The following NFATC2 variants were observed in gnomAD, a reference collection of about 807,000 sequenced individuals.
NFATC2 encodes the protein nuclear factor of activated T cells 2, also known as nuclear factor of activated T-cells, cytoplasmic 2.
In NFATC2, 22 loss-of-function variants were observed where a neutral mutation model predicts 87.3. The observed-to-expected ratio is 0.25, with a 90% CI of 0.18 to 0.36. The LOEUF is 0.36. Among genes scored for constraint, NFATC2 ranks in the 10% least tolerant of loss-of-function variants. The pLI, the probability that NFATC2 is intolerant of heterozygous loss-of-function variation, is 1.00. For synonymous variants in NFATC2, 565 were observed against 542.2 expected (o/e 1.04, Z -0.58); for missense variants, 1,149 against 1,259.1 (o/e 0.91, Z 1.32).
intron 9 of NFATC2, among the ~76,000 whole-genome samples, chr20:51,399,601 G>A (rs1568928224): frequency 1.3e-5 from 2 of 152,224 alleles, no homozygotes; most frequent in Admixed American, 6.5e-5. Flanking sequence ...TTAGAGGCCT[G>A]GATTTCCCAA....
At chr20:51,561,095 A>T (rs1388850784) in intron 1 of NFATC2, among the ~76,000 whole-genome samples, 1 of 151,966 alleles carries the variant, frequency 6.6e-6, no homozygotes, top group Non-Finnish European at 1.5e-5. Context: ...CTTCTGTCTG[A>T]GAGCATTGCT....
intron 1 of NFATC2, among the ~76,000 whole-genome samples, chr20:51,526,625 T>A (rs568271320): frequency 2.0e-5 from 3 of 152,268 alleles, no homozygotes; most frequent in Admixed American, 1.3e-4. Flanking sequence ...ACAAGCCCTC[T>A]TCCTGCTTTG....
At position 51,527,553 on chromosome 20, in the gene NFATC2, C is replaced by T. The variant is rs117430075; in HGVS notation, c.131-3443G>A. Among the ~76,000 whole-genome samples, 991 of 152,270 alleles carry T rather than the reference C, an allele frequency of 6.5e-3. 4 individuals are homozygous for T. Among genetic ancestry groups the T allele is most frequent in the South Asian group, 0.021 (102 of 4,812 alleles). ...GCAAATGCCATGAGGACTCTTGCTC[C>T]GCCATGCCCCTAAGCACTTGGAATG... On this transcript the variant is annotated intron_variant, in intron 1 of 10. Transcript: ENST00000371564.
intron 2 of NFATC2, among the ~76,000 whole-genome samples, chr20:51,520,251 A>G (rs180760238): frequency 7.2e-4 from 110 of 152,326 alleles, no homozygotes; most frequent in African/African-American, 2.2e-3. Context: ...ATTCTCAACC[A>G]CTAAATAAAA....
At chr20:51,508,287 G>A (rs778710242) in intron 3 of NFATC2, among the ~76,000 whole-genome samples, 7 of 151,980 alleles carry the variant, frequency 4.6e-5, no homozygotes, top group Non-Finnish European at 7.4e-5. Context: ...CGCCAGCCCC[G>A]ACCCTGGCGC....
chr20:51,493,362 G>GT (rs1568686060), intron 3 of NFATC2, among the ~76,000 whole-genome samples: 1 of 152,060 alleles, frequency 6.6e-6, no homozygotes, highest in East Asian at 1.9e-4. Flanking sequence ...AATTCTTGTC[G>GT]TTTTCTCATG....
intron 1 of NFATC2, among the ~76,000 whole-genome samples, chr20:51,535,407 A>G (rs750736108): frequency 2.0e-5 from 3 of 152,248 alleles, no homozygotes; most frequent in Non-Finnish European, 2.9e-5. Flanking sequence ...CCTAAAATCC[A>G]AGTGGAAACT....
At chr20:51,481,637 T>C (rs1313912997) in intron 3 of NFATC2, among the ~76,000 whole-genome samples, 1 of 152,120 alleles carries the variant, frequency 6.6e-6, no homozygotes, top group African/African-American at 2.4e-5. Flanking sequence ...GGGCCCAGGC[T>C]GCAGCTTGGT....
At chr20:51,402,634 C>CT (rs1988172542) in intron 9 of NFATC2, among the ~76,000 whole-genome samples, 1 of 152,202 alleles carries the variant, frequency 6.6e-6, no homozygotes, top group South Asian at 2.1e-4. Context: ...CATAAACCCC[C>CT]TCTGGGGGTT....
chr20:51,502,258 T>C (rs2076100332), intron 3 of NFATC2, among the ~76,000 whole-genome samples: 1 of 152,228 alleles, frequency 6.6e-6, no homozygotes, highest in South Asian at 2.1e-4. Flanking sequence ...CTCAACACTT[T>C]TATTGCTGCA....
At chr20:51,437,090 G>C (rs1298693173) in intron 6 of NFATC2, among the ~76,000 whole-genome samples, 1 of 136,430 alleles carries the variant, frequency 7.3e-6, no homozygotes, top group East Asian at 2.3e-4. Flanking sequence ...TACTCCCCCA[G>C]TTTGGGGCCA....
chr20:51,503,019 A>C (rs1388479120), intron 3 of NFATC2, among the ~76,000 whole-genome samples: 2 of 152,234 alleles, frequency 1.3e-5, no homozygotes, highest in Non-Finnish European at 2.9e-5. Context: ...TGTGCTGAGC[A>C]GTATGCCAAA....
chr20:51,520,431 ATTTTC>A (rs2076425089), intron 2 of NFATC2, among the ~76,000 whole-genome samples: 2 of 129,540 alleles, frequency 1.5e-5, no homozygotes, highest in African/African-American at 5.7e-5. Flanking sequence ...CTTGATCAGG[ATTTTC>A]TTTTTTTTTT....
At chr20:51,508,966 G>A (rs1046361902) in intron 3 of NFATC2, among the ~76,000 whole-genome samples, 5 of 151,886 alleles carry the variant, frequency 3.3e-5, no homozygotes, top group East Asian at 1.9e-4. Flanking sequence ...CCCAGCTCCC[G>A]CCTCGCTCAG....
intron 1 of NFATC2, among the ~76,000 whole-genome samples, chr20:51,549,963 C>T (rs77639600): frequency 3.5e-4 from 54 of 152,268 alleles, no homozygotes; most frequent in African/African-American, 1.1e-3. Flanking sequence ...ATTATGTAGC[C>T]GGCTCTGATA....
intron 9 of NFATC2, among the ~76,000 whole-genome samples, chr20:51,415,552 CTG>C (rs963355553): frequency 1.3e-5 from 2 of 152,222 alleles, no homozygotes; most frequent in Non-Finnish European, 2.9e-5. Flanking sequence ...CCAGAGAACA[CTG>C]TGCAGGGCTG....
chr20:51,541,523 A>AAGTCCCC (rs2146804240), intron 1 of NFATC2, among the ~76,000 whole-genome samples: 1 of 152,274 alleles, frequency 6.6e-6, no homozygotes, highest in Admixed American at 6.5e-5. Context: ...CAGCCCGGGG[A>AAGTCCCC]AGTCCCCAGC....
intron 3 of NFATC2, among the ~76,000 whole-genome samples, chr20:51,514,553 A>AGGTGCAT (rs1173526830): frequency 6.6e-6 from 1 of 152,196 alleles, no homozygotes; most frequent in Admixed American, 6.5e-5. Flanking sequence ...CATGAAGGAA[A>AGGTGCAT]GGTGCATGGA....
chr20:51,537,002 GC>G (rs2076732234), intron 1 of NFATC2, among the ~76,000 whole-genome samples: 1 of 152,098 alleles, frequency 6.6e-6, no homozygotes, highest in Non-Finnish European at 1.5e-5. Context: ...GCCAGGGGAG[GC>G]CAGACACCAT....
Sources: allele counts gnomAD v4.1 joint callset (sites outside exome capture counted in the v4.1 genomes callset), GRCh38; gene constraint gnomAD v4.1.1; transcripts MANE v1.5; gene names NCBI Gene and HGNC (gene_info 2026-07-23, HGNC 2026-07-21).